Variants in PDE12 observed in about 807,000 individuals in gnomAD.
PDE12 encodes phosphodiesterase 12.
PDE12 carries 26 observed loss-of-function variants against 45.4 expected under a neutral mutation model. That is an observed-to-expected ratio of 0.57 (90% CI 0.42 to 0.79). The LOEUF (loss-of-function observed/expected upper bound fraction) is 0.79. Ranked by LOEUF, PDE12 falls within the 30% of genes least tolerant of loss-of-function variation. The pLI is 0.00. For missense variants in PDE12, 668 were observed against 790.0 expected (o/e 0.85, Z 1.85); for synonymous variants, 283 against 323.9 (o/e 0.87, Z 1.36).
the PDE12 span, among the ~76,000 whole-genome samples, chr3:57,631,968 C>T: frequency 9.5e-5 from 14 of 146,646 alleles, no homozygotes; most frequent in East Asian, 1.4e-3. Context: ...GTGATCCGCC[C>T]GCCTCGGCCT....
At chr3:57,582,970 GGA>G in the PDE12 span, among the ~76,000 whole-genome samples, 1 of 152,184 alleles carries the variant, frequency 6.6e-6, no homozygotes, top group Admixed American at 6.5e-5. Flanking sequence ...TTGCAGGTGT[GGA>G]GAGATTTTTG....
At chr3:57,591,897 G>T in the PDE12 span, among the ~76,000 whole-genome samples, 1 of 152,188 alleles carries the variant, frequency 6.6e-6, no homozygotes, top group Non-Finnish European at 1.5e-5. Context: ...TACGGGCTGG[G>T]AAGAAAGGGG....
In PDE12 at chr3:57,560,833, TGGAA is replaced by T. The variant is rs2069721651; in HGVS notation, c.*833_*836del. 1.0e-6 allele frequency: 1 copy of T among 985,346 alleles called. No individual in the cohort carries two copies. Among genetic ancestry groups the T allele is most frequent in the Non-Finnish European group, 1.2e-6 (1 of 829,472 alleles). The allele number at this position is 985,346 out of a possible 1,614,324, so 61.0% of individuals were successfully genotyped here. On this transcript the variant is annotated 3_prime_UTR_variant, in exon 3 of 3. Coordinates refer to ENST00000311180, the MANE Select transcript of PDE12 (RefSeq NM_177966.7). ...GACCTAAGGTGAGAGACTTGACACA[TGGAA>T]GGAGTAACATTAGGGTCTACCTCTA... is the stretch of plus-strand genomic sequence containing the variant.
the PDE12 span, among the ~76,000 whole-genome samples, chr3:57,617,921 G>C: frequency 1.3e-5 from 2 of 151,590 alleles, no homozygotes; most frequent in African/African-American, 4.8e-5. Context: ...AGAAAATGTG[G>C]TACATATACA....
chr3:57,641,224 T>C, the PDE12 span, among the ~76,000 whole-genome samples: 1 of 143,954 alleles, frequency 6.9e-6, no homozygotes, highest in Admixed American at 7.2e-5. Flanking sequence ...TAAAAATATA[T>C]ATTTAAATAT....
At chr3:57,583,724 A>G in the PDE12 span, among the ~76,000 whole-genome samples, 26 of 152,246 alleles carry the variant, frequency 1.7e-4, no homozygotes, top group African/African-American at 5.3e-4. Flanking sequence ...TCCACCCTAT[A>G]TAAGTTAGCC....
chr3:57,649,988 C>T, the PDE12 span, among the ~76,000 whole-genome samples: 2 of 151,894 alleles, frequency 1.3e-5, no homozygotes, highest in African/African-American at 4.8e-5. Flanking sequence ...TAAAGGCATT[C>T]AGAGCGCCCT....
At chr3:57,598,682 G>A in the PDE12 span, among the ~76,000 whole-genome samples, 1 of 152,186 alleles carries the variant, frequency 6.6e-6, no homozygotes, top group African/African-American at 2.4e-5. Context: ...TCCGGAGGCT[G>A]AGGCAGAAGA....
chr3:57,618,605 G>GTTTTTTTTTTT, the PDE12 span, among the ~76,000 whole-genome samples: 2 of 34,178 alleles, frequency 5.9e-5, no homozygotes, highest in East Asian at 3.2e-3. Flanking sequence ...GTTTGCTTTT[G>GTTTTTTTTTTT]TGTTTTTTTT....
At chr3:57,583,946 A>T in the PDE12 span, 1 of 1,612,620 alleles carries the variant, frequency 6.2e-7, no homozygotes, top group Non-Finnish European at 8.5e-7. Context: ...TTCTATCTTG[A>T]CCACCAACAT....
the PDE12 span, chr3:57,634,867 A>G: frequency 1.0e-6 from 1 of 972,532 alleles, no homozygotes; most frequent in Non-Finnish European, 1.4e-6. Context: ...TTACTTAAGT[A>G]TGTTATAATG....
chr3:57,637,420 A>G, the PDE12 span, among the ~76,000 whole-genome samples: 3 of 152,194 alleles, frequency 2.0e-5, no homozygotes, highest in African/African-American at 4.8e-5. Flanking sequence ...CACTAAATAT[A>G]TGTTTCTGGT....
rs757019855 is a variant in PDE12, at chr3:57,564,290, A to G, written c.*4286A>G. ...TTAAATATAGTAAATCTGTTCACCT[A>G]TCTGCTATGCTAGCAAATTCTGGGT... On this transcript the variant is annotated 3_prime_UTR_variant, in exon 3 of 3. Coordinates refer to ENST00000311180, the MANE Select transcript of PDE12 (RefSeq NM_177966.7). 5 of 152,192 alleles carry G rather than the reference A, an allele frequency of 3.3e-5. No individual in the cohort carries two copies. The highest frequency in any genetic ancestry group is 6.6e-5 in the Admixed American group (1 of 15,266). 9.4% of individuals were successfully genotyped at this position (152,192 alleles called of 1,614,324 possible).
In PDE12 at chr3:57,556,275, C is replaced by G; in HGVS notation, c.-105C>G. 8.1e-7 allele frequency: 1 copy of G among 1,227,572 alleles called. No homozygotes were observed. Among genetic ancestry groups the G allele is most frequent in the South Asian group, 1.6e-5 (1 of 63,990 alleles). 76.0% of individuals were successfully genotyped at this position (1,227,572 alleles called of 1,614,324 possible). A position where few individuals can be genotyped will look rare whatever the true frequency, so the allele number is the denominator to read the frequency against. On this transcript the variant is annotated 5_prime_UTR_variant, in exon 1 of 3. Coordinates refer to ENST00000311180, the MANE Select transcript of PDE12 (RefSeq NM_177966.7). This position sits in a 1 kb window ranked among gnomAD's most constrained non-coding sequence, Gnocchi z 5.0. ...CCCTCTCTTCGCTAGCCGGAAGTCGCGAGATCTGAATGAGTCAAAGCCGGC... is the reference window on the plus strand; with the variant it reads ...CCCTCTCTTCGCTAGCCGGAAGTCGGGAGATCTGAATGAGTCAAAGCCGGC...
chr3:57,574,911 C>T, the PDE12 span, among the ~76,000 whole-genome samples: 1,656 of 150,732 alleles, frequency 0.011, 59 homozygotes, highest in East Asian at 0.12. Flanking sequence ...TGCAGTGGCG[C>T]GATCGCGACT....
At chr3:57,583,775 G>A in the PDE12 span, 3 of 701,416 alleles carry the variant, frequency 4.3e-6, no homozygotes, top group South Asian at 5.2e-5. Context: ...ATGTGGAAGT[G>A]GTGATAAGAC....
chr3:57,559,737 G>A lies in PDE12; in HGVS notation c.1563G>A (p.Trp521Ter). The A allele has an allele frequency of 6.2e-7, 1 of 1,614,126 alleles. No individual in the cohort carries two copies. Among genetic ancestry groups the A allele is most frequent in the South Asian group, 1.1e-5 (1 of 91,080 alleles). Residue 521 changes from tryptophan (W) to a stop codon, truncating the protein, a stop_gained, in exon 3 of 3, where the codon TGG becomes TGA. Transcript: ENST00000311180. LOFTEE classifies it high-confidence loss of function. ...NGSIPEDHEDWASNGEEERCN... is the reference protein window; with the variant it reads ...NGSIPEDHED The stretch of plus-strand genomic sequence containing the variant: ...GCATTCCAGAGGATCATGAAGACTG[G>A]GCTTCCAATGGGGAGGAGGAAAGAT...
chr3:57,607,559 C>T, the PDE12 span, among the ~76,000 whole-genome samples: 1 of 152,062 alleles, frequency 6.6e-6, no homozygotes, highest in African/African-American at 2.4e-5. Context: ...CCTGATGGAG[C>T]TGAAAACCAC....
chr3:57,592,420 G>A, the PDE12 span, among the ~76,000 whole-genome samples: 6 of 152,148 alleles, frequency 3.9e-5, no homozygotes, highest in East Asian at 3.9e-4. Context: ...CCCAGGAGGC[G>A]GAGGTTGCAG....
Sources: allele counts gnomAD v4.1 joint callset (sites outside exome capture counted in the v4.1 genomes callset), GRCh38; gene constraint gnomAD v4.1.1; non-coding constraint Gnocchi (gnomAD v3.1); transcripts MANE v1.5; gene names NCBI Gene and HGNC (gene_info 2026-07-23, HGNC 2026-07-21).